Variants in DNAH9 observed in about 807,000 individuals in gnomAD.
DNAH9 encodes DNAH9 variant protein.
In DNAH9, 345 loss-of-function variants were observed where a neutral mutation model predicts 471.6. That is an observed-to-expected ratio of 0.73 (90% CI 0.67 to 0.80). The LOEUF (loss-of-function observed/expected upper bound fraction) is 0.80. Ranked by LOEUF, DNAH9 falls within the 30% of genes least tolerant of loss-of-function variation. The probability of loss-of-function intolerance (pLI) is 0.00; values close to 1 mark genes in which losing one functional copy is unlikely to be tolerated. For synonymous variants in DNAH9, 2,093 were observed against 2,123.6 expected, an observed-to-expected ratio of 0.99 and a Z score of 0.40; for missense variants, 5,407 against 5,609.2, an observed-to-expected ratio of 0.96 and a Z score of 1.15.
chr17:11,846,142 C>T lies in DNAH9; in HGVS notation c.9508-7861C>T, dbSNP rs1222875423. Among the ~76,000 whole-genome samples the T allele has an allele frequency of 7.0e-3, 1,024 of 145,282 alleles. 19 individuals are homozygous for T. The highest frequency in any genetic ancestry group is 0.025 in the African/African-American group (953 of 38,492). ...AGGGTTTTTATGGTTTTAGGTCTAA[C>T]GTTTAAGTCTTTAATCCATCTTGAA... On this transcript the variant is annotated intron_variant, in intron 49 of 68. Coordinates refer to ENST00000262442, the MANE Select transcript of DNAH9 (RefSeq NM_001372.4).
chr17:11,867,879 T>G lies in DNAH9; in HGVS notation c.9934-1255T>G, dbSNP rs577543720. Among the ~76,000 whole-genome samples, 3 of 152,320 alleles carry G rather than the reference T, an allele frequency of 2.0e-5. No individual in the cohort carries two copies. In the South Asian group the frequency reaches 6.2e-4, roughly 32 times the overall value. On this transcript the variant is annotated intron_variant, in intron 50 of 68. Coordinates refer to ENST00000262442, the MANE Select transcript of DNAH9 (RefSeq NM_001372.4). ...CATACTGTGCATGTGGATGGAGATATGAGGTCAAGAATCAATAGGCTTCCA... is the reference window on the plus strand; with the variant it reads ...CATACTGTGCATGTGGATGGAGATAGGAGGTCAAGAATCAATAGGCTTCCA...
chr17:11,852,210 G>C (rs1438654592), intron 49 of DNAH9, among the ~76,000 whole-genome samples: 1 of 152,190 alleles, frequency 6.6e-6, no homozygotes, highest in African/African-American at 2.4e-5. Context: ...TTTGGCATAA[G>C]AATCTAATTT....
chr17:11,715,543 C>T (rs1454657840), intron 26 of DNAH9, among the ~76,000 whole-genome samples: 1 of 152,114 alleles, frequency 6.6e-6, no homozygotes, highest in African/African-American at 2.4e-5. Flanking sequence ...GTCAAACGGC[C>T]TCACCTTTAA....
At chr17:11,784,186 C>A in intron 40 of DNAH9, 114 bp from the exon 41 acceptor site, 1 of 1,525,364 alleles carries the variant, frequency 6.6e-7, no homozygotes, top group South Asian at 1.3e-5. Flanking sequence ...GAGATGGGAC[C>A]AAAATATAGA....
chr17:11,820,416 A>T (rs1257502397), intron 45 of DNAH9, among the ~76,000 whole-genome samples: 1 of 152,120 alleles, frequency 6.6e-6, no homozygotes, highest in African/African-American at 2.4e-5. Context: ...GATAAAAAAA[A>T]AATAAGGTGT....
At chr17:11,933,274 C>T (rs1235995579) in intron 64 of DNAH9, among the ~76,000 whole-genome samples, 2 of 152,190 alleles carry the variant, frequency 1.3e-5, no homozygotes, top group Non-Finnish European at 2.9e-5. Flanking sequence ...AGCCTGCCTT[C>T]ACTGTCACAG....
chr17:11,650,877 C>T (rs534742270), intron 12 of DNAH9, among the ~76,000 whole-genome samples, 192 bp from the exon 13 acceptor site: 29 of 152,252 alleles, frequency 1.9e-4, no homozygotes, highest in African/African-American at 6.3e-4. Flanking sequence ...TGTTTCTTTC[C>T]GAGACATCTT....
At chr17:11,906,202 A>G (rs1973591041) in intron 61 of DNAH9, among the ~76,000 whole-genome samples, 1 of 152,174 alleles carries the variant, frequency 6.6e-6, no homozygotes, top group Admixed American at 6.5e-5. Flanking sequence ...CTGATTATAT[A>G]CCCAAAGGAA....
chr17:11,962,231 T>TG lies in DNAH9; in HGVS notation c.13210dup (p.Glu4404GlyfsTer36), dbSNP rs34340372. 2 of 1,610,444 alleles carry TG rather than the reference T, an allele frequency of 1.2e-6. No homozygotes were observed. The highest frequency in any genetic ancestry group is 1.1e-5 in the South Asian group (1 of 90,822). On this transcript the variant is annotated frameshift_variant, in exon 68 of 69. Transcript: ENST00000262442. LOFTEE classifies it high-confidence loss of function. The surrounding 1 kb of genome is among the most constrained non-coding windows in gnomAD (Gnocchi z 4.1). ...GGGGCCTACATCCATGGCCTCTTCA[T>TG]GGAAGGTGCCTGCTGGGACACACAG...
intron 67 of DNAH9, among the ~76,000 whole-genome samples, chr17:11,946,430 A>G (rs1305800654): frequency 1.6e-4 from 24 of 151,630 alleles, no homozygotes; most frequent in Non-Finnish European, 1.6e-4. Context: ...TTGGGAGGGC[A>G]AGGTGGGTGG....
chr17:11,608,957 C>T (rs191241865), intron 2 of DNAH9, among the ~76,000 whole-genome samples: 36 of 152,232 alleles, frequency 2.4e-4, no homozygotes, highest in African/African-American at 6.5e-4. Flanking sequence ...TGCTGACTTT[C>T]GAGTTTTCTT....
At chr17:11,704,469 C>A in intron 25 of DNAH9, 27 bp downstream of exon 25, 17 of 1,607,724 alleles carry the variant, frequency 1.1e-5, no homozygotes, top group Non-Finnish European at 1.3e-5. Flanking sequence ...CAGGGATGCC[C>A]ACTTTTGTGT....
chr17:11,693,069 CTTT>C (rs35936347), intron 20 of DNAH9, among the ~76,000 whole-genome samples: 5 of 101,328 alleles, frequency 4.9e-5, no homozygotes, highest in Non-Finnish European at 6.1e-5. Context: ...CCATGACCGG[CTTT>C]TTTTTTTTTT....
chr17:11,732,720 A>G (rs1161316580), intron 28 of DNAH9, among the ~76,000 whole-genome samples: 1 of 152,106 alleles, frequency 6.6e-6, no homozygotes, highest in South Asian at 2.1e-4. Context: ...CTTCTTTACT[A>G]TTGCAATCAG....
chr17:11,822,897 A>G lies in DNAH9; in HGVS notation c.9109A>G (p.Asn3037Asp). The change falls in exon 48 of 69, where the codon AAC becomes GAC. Residue 3037 changes from asparagine (N) to aspartate (D), a missense_variant. Physicochemically the swap from Asn to Asp is conservative, Grantham distance 23. Around this residue, in one of 3 missense-constraint regions of DNAH9, gnomAD observed 4,636 missense variants for 4,900.3 expected, o/e 0.95. Coordinates refer to ENST00000262442, the MANE Select transcript of DNAH9 (RefSeq NM_001372.4). ...TTATCTGAGCAATGAACAGCGCTAC[A>G]ACTATACAACTCCCAAGTCCTTTCT... The part of the protein sequence containing the change: ...QSYLSNEQRY[N>D]YTTPKSFLEF... 3 of 1,614,250 alleles carry G rather than the reference A, an allele frequency of 1.9e-6. No homozygotes were observed. The highest frequency in any genetic ancestry group is 2.5e-6 in the Non-Finnish European group (3 of 1,180,044).
At chr17:11,949,110 C>T (rs897403481) in intron 67 of DNAH9, among the ~76,000 whole-genome samples, 2 of 152,104 alleles carry the variant, frequency 1.3e-5, no homozygotes, top group African/African-American at 4.8e-5. Context: ...AGAACGAAGA[C>T]CTACAGGAAA....
At position 11,606,443 on chromosome 17, in the gene DNAH9, C is replaced by CTTTTTTTTTTTTTTTTTTTTTT. The variant is rs1404986645; in HGVS notation, c.418-1682_418-1681insTTTTTTTTTTTTTTTTTTTTTT. ...CTGACAACTTTCTTTCTTTTCTTTT[C>CTTTTTTTTTTTTTTTTTTTTTT]TTTTCTTTTCTTTTTTTTTTTTTTG... On this transcript the variant is annotated intron_variant, in intron 1 of 68. Coordinates refer to ENST00000262442, the MANE Select transcript of DNAH9 (RefSeq NM_001372.4). 2.2e-4 allele frequency among the ~76,000 whole-genome samples: 15 copies of CTTTTTTTTTTTTTTTTTTTTTT among 69,124 alleles called. 3 individuals are homozygous for CTTTTTTTTTTTTTTTTTTTTTT. The highest frequency in any genetic ancestry group is 5.1e-4 in the Admixed American group (2 of 3,898). The allele number at this position is 69,124 out of a possible 152,430, so 45.3% of individuals were successfully genotyped here.
intron 28 of DNAH9, among the ~76,000 whole-genome samples, chr17:11,733,168 A>G (rs973641485): frequency 1.3e-5 from 2 of 152,234 alleles, no homozygotes; most frequent in African/African-American, 4.8e-5. Context: ...TAAATAGCAC[A>G]TGGCATTTGG....
In DNAH9 at chr17:11,683,891, T is replaced by A. The variant is rs546132520; in HGVS notation, c.3743+3002T>A. On this transcript the variant is annotated intron_variant, in intron 19 of 68. Transcript: ENST00000262442. ...GTCAAGAAAAACATCAGAGCTAAAA[T>A]GGAATTGTAGATTTATCACTAAAGC... Among the ~76,000 whole-genome samples the A allele has an allele frequency of 2.6e-5, 4 of 152,298 alleles. No homozygotes were observed. In the East Asian group the frequency reaches 7.7e-4, roughly 29 times the overall value.
Sources: allele counts gnomAD v4.1 joint callset (sites outside exome capture counted in the v4.1 genomes callset), GRCh38; gene constraint gnomAD v4.1.1; regional missense constraint gnomAD v4.1.1; non-coding constraint Gnocchi (gnomAD v3.1); transcripts MANE v1.5; gene names NCBI Gene and HGNC (gene_info 2026-07-23, HGNC 2026-07-21).